Variants in ATP1B1 observed in about 807,000 individuals in gnomAD.
ATP1B1 encodes the protein sodium/potassium-transporting ATPase subunit beta-1.
Under a neutral mutation model 39.6 loss-of-function variants are expected in ATP1B1, and 3 were observed. The ratio of observed to expected loss-of-function variants is 0.08; its 90% CI spans 0.03 to 0.20. ATP1B1 has a LOEUF of 0.20. Ranked by LOEUF, ATP1B1 falls within the 10% of genes least tolerant of loss-of-function variation. The pLI is 1.00. For synonymous variants in ATP1B1, 139 were observed against 135.0 expected, an observed-to-expected ratio of 1.03 and a Z score of -0.20; for missense variants, 216 against 371.1, an observed-to-expected ratio of 0.58 and a Z score of 3.43.
intron 2 of ATP1B1, among the ~76,000 whole-genome samples, chr1:169,113,962 G>A (rs1657780441): frequency 6.6e-6 from 1 of 152,114 alleles, no homozygotes; most frequent in Admixed American, 6.6e-5. Context: ...TTACCCTGTG[G>A]GGTTTTTCGG....
At chr1:169,127,524 G>T (rs1571227573) in intron 4 of ATP1B1, 116 bp downstream of exon 4, 10 of 1,130,188 alleles carry the variant, frequency 8.8e-6, no homozygotes. Context: ...ACTTTGAAAC[G>T]TAGCCAGTAG....
chr1:169,124,835 G>T, intron 2 of ATP1B1, 49 bp from the exon 3 acceptor site: 2 of 1,583,492 alleles, frequency 1.3e-6, no homozygotes, highest in Non-Finnish European at 1.7e-6. Flanking sequence ...CTTTTGAATT[G>T]TCTTCGTTTC....
intron 1 of ATP1B1, chr1:169,110,565 G>GGC: frequency 1.5e-6 from 1 of 662,740 alleles, no homozygotes; most frequent in Non-Finnish European, 2.0e-6. Flanking sequence ...TATGTGTTGA[G>GGC]TCTTTTTTTT....
chr1:169,124,813 G>T, intron 2 of ATP1B1, 71 bp from the exon 3 acceptor site: 1 of 1,531,270 alleles, frequency 6.5e-7, no homozygotes, highest in Non-Finnish European at 8.9e-7. Context: ...TGTTTTGTAT[G>T]TGGAAAGTCT....
chr1:169,114,397 G>T (rs1657797279), intron 2 of ATP1B1, among the ~76,000 whole-genome samples: 5 of 152,182 alleles, frequency 3.3e-5, no homozygotes, highest in African/African-American at 1.2e-4. Context: ...AAGATATAAA[G>T]ACTTACTAAT....
chr1:169,123,770 G>T (rs1658033956), intron 2 of ATP1B1, among the ~76,000 whole-genome samples: 1 of 151,958 alleles, frequency 6.6e-6, no homozygotes, highest in Admixed American at 6.6e-5. Flanking sequence ...GGAATTACAG[G>T]TGTGTGTCAC....
At chr1:169,108,604 G>A (rs1571217690) in intron 1 of ATP1B1, among the ~76,000 whole-genome samples, 2 of 152,140 alleles carry the variant, frequency 1.3e-5, no homozygotes. Context: ...GCTCATTCCA[G>A]TTTCATGCTT....
At chr1:169,120,264 T>C (rs1657946645) in intron 2 of ATP1B1, among the ~76,000 whole-genome samples, 1 of 152,230 alleles carries the variant, frequency 6.6e-6, no homozygotes, top group African/African-American at 2.4e-5. Context: ...GTAGTAAGCA[T>C]GTGTGAGCTG....
At chr1:169,130,836 T>C (rs1008138809) in intron 5 of ATP1B1, among the ~76,000 whole-genome samples, 1 of 147,024 alleles carries the variant, frequency 6.8e-6, no homozygotes, top group Non-Finnish European at 1.5e-5. Flanking sequence ...AATTAGTGCA[T>C]GTTTCCTTTG....
intron 5 of ATP1B1, 149 bp downstream of exon 5, chr1:169,130,239 G>A (rs1658177970): frequency 7.4e-6 from 5 of 676,742 alleles, no homozygotes; most frequent in Admixed American, 5.7e-5. Context: ...GAGATGAATT[G>A]TAGCTATACT....
rs1185251213 is a variant in ATP1B1 at position 169,115,335 on chromosome 1, GTTTTTTTC to G, written c.226+3853_226+3860del. Among the ~76,000 whole-genome samples the G allele has an allele frequency of 4.7e-5, 7 of 149,034 alleles. No homozygotes were observed. The East Asian group carries it at 7.9e-4, about 17-fold the overall frequency. On this transcript the variant is annotated intron_variant, in intron 2 of 5. Transcript: ENST00000367815. Reference sequence around the variant, plus strand: ...AGGGTAACTGTTGAGAGCAACTTCTGTTTTTTTCTTTTTTTCTTTTTTTTTTTTTTCAA... The same window carrying G: ...AGGGTAACTGTTGAGAGCAACTTCTGTTTTTTTCTTTTTTTTTTTTTTCAA...
chr1:169,110,595 A>G, intron 1 of ATP1B1: 1 of 670,012 alleles, frequency 1.5e-6, no homozygotes, highest in Non-Finnish European at 1.9e-6. Flanking sequence ...TTGCTTTTGC[A>G]GCTATTTCAG....
At chr1:169,110,586 T>TC in intron 1 of ATP1B1, 1 of 897,384 alleles carries the variant, frequency 1.1e-6, no homozygotes, top group South Asian at 2.0e-5. Context: ...TTTTTTTTTT[T>TC]GCTTTTGCAG....
At chr1:169,116,235 A>G (rs908917589) in intron 2 of ATP1B1, among the ~76,000 whole-genome samples, 8 of 152,174 alleles carry the variant, frequency 5.3e-5, no homozygotes, top group Non-Finnish European at 7.3e-5. Context: ...CCTCAGGCTC[A>G]CTTAGCAACA....
chr1:169,117,187 T>C (rs1657869366), intron 2 of ATP1B1, among the ~76,000 whole-genome samples: 1 of 152,210 alleles, frequency 6.6e-6, no homozygotes, highest in Non-Finnish European at 1.5e-5. Context: ...CAGCTGTCTC[T>C]CACTTTCCCT....
intron 2 of ATP1B1, among the ~76,000 whole-genome samples, chr1:169,116,097 G>A (rs1013105071): frequency 2.6e-5 from 4 of 152,264 alleles, no homozygotes; most frequent in Admixed American, 6.5e-5. Context: ...ACACACGCAT[G>A]CTCATGGATA....
intron 4 of ATP1B1, among the ~76,000 whole-genome samples, chr1:169,129,792 G>A (rs1035845693): frequency 1.3e-5 from 2 of 152,264 alleles, no homozygotes; most frequent in African/African-American, 2.4e-5. Context: ...AATTGTAGTC[G>A]TTATAAACTT....
chr1:169,116,079 G>C (rs1183070803), intron 2 of ATP1B1, among the ~76,000 whole-genome samples: 1 of 152,260 alleles, frequency 6.6e-6, no homozygotes, highest in African/African-American at 2.4e-5. Flanking sequence ...GGACATGCAA[G>C]CGTGCACACA....
rs746398744 is a variant in ATP1B1, at chr1:169,131,507, A to G, written c.864A>G (p.Lys288=). ...AYGENIGYSE[K]DRFQGRFDVK... ...GTGAGAACATTGGGTACAGTGAGAA[A>G]GACCGTTTTCAGGGACGTTTTGATG... Residue 288 remains lysine (K), a synonymous_variant, in exon 6 of 6, where the codon AAA becomes AAG. Coordinates refer to ENST00000367815, the MANE Select transcript of ATP1B1 (RefSeq NM_001677.4). This position sits in a 1 kb window ranked among gnomAD's most constrained non-coding sequence, Gnocchi z 4.4. 1.9e-6 allele frequency: 3 copies of G among 1,613,988 alleles called. No homozygotes were observed. In the Admixed American group the frequency reaches 5.0e-5, roughly 27 times the overall value.
Sources: gnomAD v4.1 joint callset for allele counts (sites outside exome capture counted in the v4.1 genomes callset) on GRCh38, gnomAD v4.1.1 for gene constraint, Gnocchi (gnomAD v3.1) non-coding constraint, MANE v1.5 for transcripts, NCBI Gene and HGNC (gene_info 2026-07-23, HGNC 2026-07-21) for gene names.